KLF5: variants seen among roughly 807,000 people sequenced by gnomAD.
KLF5 encodes KLF transcription factor 5.
A neutral mutation model predicts 36.9 loss-of-function variants in KLF5; 9 were observed. That is an observed-to-expected ratio of 0.24 (90% CI 0.15 to 0.43). The LOEUF is 0.43. Among genes scored for constraint, KLF5 ranks in the 20% least tolerant of loss-of-function variants. The pLI, the probability that KLF5 is intolerant of heterozygous loss-of-function variation, is 1.00. For missense variants in KLF5, 524 were observed against 599.5 expected (o/e 0.87, Z 1.31); for synonymous variants, 246 against 241.7 (o/e 1.02, Z -0.17).
At chr13:73,059,839 G>A in intron 1 of KLF5, 1 of 961,768 alleles carries the variant, frequency 1.0e-6, no homozygotes, top group Non-Finnish European at 1.2e-6. Context: ...GCCTGGGAGA[G>A]GTAAGAGGGA....
rs1422690156 is a variant in KLF5 at position 73,076,087 on chromosome 13, G to A, written c.*201G>A. 8 of 477,974 alleles carry A rather than the reference G, an allele frequency of 1.7e-5. No homozygotes were observed. The highest frequency in any genetic ancestry group is 7.9e-5 in the African/African-American group (4 of 50,832). 29.6% of individuals were successfully genotyped at this position (477,974 alleles called of 1,614,324 possible). ...TTTGGTCATTTTAAGAATCTGGAAT[G>A]CTTGCTGTAATGTATATGGCTTTAC... On this transcript the variant is annotated 3_prime_UTR_variant, in exon 4 of 4. Transcript: ENST00000377687.
chr13:73,058,338 G>A (rs2044596897), upstream of KLF5, among the ~76,000 whole-genome samples: 1 of 152,116 alleles, frequency 6.6e-6, no homozygotes, highest in South Asian at 2.1e-4. Flanking sequence ...AAAAACCCAG[G>A]CTTTTATGCA....
intron 3 of KLF5, among the ~76,000 whole-genome samples, chr13:73,073,957 C>T (rs1218211734): frequency 1.3e-5 from 2 of 152,140 alleles, no homozygotes; most frequent in East Asian, 3.9e-4. Flanking sequence ...GGAGAAAAAA[C>T]TTCTAGAATT....
At chr13:73,059,812 T>A (rs2139100810) in intron 1 of KLF5, 23 of 843,036 alleles carry the variant, frequency 2.7e-5, no homozygotes, top group African/African-American at 7.3e-5. Flanking sequence ...TGGAGGGGAA[T>A]CTGCCCCGGC....
intron 3 of KLF5, among the ~76,000 whole-genome samples, chr13:73,068,480 G>A (rs918994048): frequency 6.6e-6 from 1 of 152,106 alleles, no homozygotes; most frequent in Non-Finnish European, 1.5e-5. Context: ...GAAGCAGGTG[G>A]ATCACCTGAG....
chr13:73,060,216 T>G (rs145944071), intron 1 of KLF5, among the ~76,000 whole-genome samples: 176 of 151,358 alleles, frequency 1.2e-3, no homozygotes, highest in Non-Finnish European at 2.0e-3. Flanking sequence ...GCACGTAAAT[T>G]TCCTCCCGGA....
intron 1 of KLF5, among the ~76,000 whole-genome samples, chr13:73,060,333 C>G (rs1173742740): frequency 6.6e-6 from 1 of 152,074 alleles, no homozygotes; most frequent in African/African-American, 2.4e-5. Flanking sequence ...CCAGAAAAAA[C>G]TTCCCGGGAC....
At chr13:73,056,427 T>C (rs2044583921), upstream of KLF5, among the ~76,000 whole-genome samples, 1 of 152,228 alleles carries the variant, frequency 6.6e-6, no homozygotes, top group African/African-American at 2.4e-5. Context: ...TGCAAAGAAC[T>C]AGAAAGTTCA....
chr13:73,065,367 A>G (rs76915478), intron 3 of KLF5, among the ~76,000 whole-genome samples: 9,706 of 152,290 alleles, frequency 0.064, 468 homozygotes, highest in Middle Eastern at 0.15. Context: ...TATCCCAGTG[A>G]TAAACACTAC....
intron 3 of KLF5, among the ~76,000 whole-genome samples, chr13:73,064,148 C>T (rs1380640164): frequency 6.6e-6 from 1 of 151,768 alleles, no homozygotes; most frequent in Admixed American, 6.6e-5. Flanking sequence ...ATGTAAACAG[C>T]GATGTTTACT....
chr13:73,061,997 G>C lies in KLF5; in HGVS notation c.398G>C (p.Ser133Thr), dbSNP rs759973194. Residue 133 changes from serine to threonine, a missense_variant, in exon 2 of 4, where the codon AGT becomes ACT. By Grantham distance (58) the Ser-to-Thr change is moderately conservative. Transcript: ENST00000377687. ...FFTDTEGLPY[S>T]INMNVFLPDI... ...ACTGACACTGAAGGGTTACCTTACA[G>C]TATCAACATGAACGTCTTCCTCCCT... 1 of 1,614,160 alleles carries C rather than the reference G, an allele frequency of 6.2e-7. No individual in the cohort carries two copies. The highest frequency in any genetic ancestry group is 8.5e-7 in the Non-Finnish European group (1 of 1,180,028).
intron 3 of KLF5, among the ~76,000 whole-genome samples, 193 bp downstream of exon 3, chr13:73,064,076 C>T (rs1217055423): frequency 6.6e-6 from 1 of 151,376 alleles, no homozygotes; most frequent in Admixed American, 6.6e-5. Flanking sequence ...CCAGGAAGGC[C>T]GGTGATGTTC....
upstream of KLF5, among the ~76,000 whole-genome samples, chr13:73,055,737 GAA>G (rs1375508642): frequency 2.0e-5 from 3 of 152,180 alleles, no homozygotes; most frequent in African/African-American, 7.2e-5. Flanking sequence ...TTACCCTAGA[GAA>G]GAGTGTGCTC....
At chr13:73,058,426 T>C (rs1467137883), upstream of KLF5, among the ~76,000 whole-genome samples, 1 of 152,252 alleles carries the variant, frequency 6.6e-6, no homozygotes, top group East Asian at 1.9e-4. Context: ...ATACACTCAC[T>C]GCTAAAGATA....
intron 2 of KLF5, among the ~76,000 whole-genome samples, chr13:73,063,581 A>G (rs1235385927): frequency 1.3e-5 from 2 of 152,224 alleles, no homozygotes; most frequent in African/African-American, 4.8e-5. Flanking sequence ...CAAATTTTCC[A>G]TTTGTAGTTT....
upstream of KLF5, among the ~76,000 whole-genome samples, chr13:73,055,921 G>C (rs11841945): frequency 0.48 from 72,870 of 151,972 alleles, 18,792 homozygotes; most frequent in Non-Finnish European, 0.58. Flanking sequence ...ATTTCAAGCT[G>C]TGACGTTTTT....
intron 3 of KLF5, among the ~76,000 whole-genome samples, chr13:73,066,321 GTT>G (rs34566215): frequency 2.0e-5 from 3 of 146,582 alleles, no homozygotes; most frequent in Non-Finnish European, 4.5e-5. Flanking sequence ...CAGCAAAGGT[GTT>G]TTTTTTTTTT....
At chr13:73,064,194 AG>A (rs2044662488) in intron 3 of KLF5, among the ~76,000 whole-genome samples, 2 of 152,112 alleles carry the variant, frequency 1.3e-5, no homozygotes, top group African/African-American at 4.8e-5. Context: ...AGTGTTTTGA[AG>A]GAAAAAAAAC....
chr13:73,059,780 GGGGGGCCGGGGGT>G, intron 1 of KLF5, 192 bp downstream of exon 1: 2 of 738,634 alleles, frequency 2.7e-6, no homozygotes, highest in Non-Finnish European at 1.7e-6. Context: ...TAAATGGGGG[GGGGGGCCGGGGGT>G]GGGAAGGATG....
Sources: gnomAD v4.1 joint callset for allele counts (sites outside exome capture counted in the v4.1 genomes callset) on GRCh38, gnomAD v4.1.1 for gene constraint, MANE v1.5 for transcripts, NCBI Gene and HGNC (gene_info 2026-07-23, HGNC 2026-07-21) for gene names.